GABRR1: variants seen among roughly 807,000 people sequenced by gnomAD.
GABRR1 encodes gamma-aminobutyric acid receptor subunit rho-1.
Under a neutral mutation model 55.5 loss-of-function variants are expected in GABRR1, and 59 were observed. The observed-to-expected ratio is 1.06, with a 90% CI of 0.86 to 1.32. The LOEUF (loss-of-function observed/expected upper bound fraction) is 1.32. Among genes scored for constraint, GABRR1 ranks in the 40% most tolerant of loss-of-function variants. The pLI, the probability that GABRR1 is intolerant of heterozygous loss-of-function variation, is 0.00. For missense variants in GABRR1, 602 were observed against 619.1 expected (o/e 0.97, Z 0.29); for synonymous variants, 213 against 226.0 (o/e 0.94, Z 0.51).
rs577448848 is a variant in GABRR1, at chr6:89,190,018, C to G, written c.655+147G>C. 21 of 448,126 alleles carry G rather than the reference C, an allele frequency of 4.7e-5. No individual in the cohort carries two copies. The South Asian group carries it at 1.0e-3, about 22-fold the overall frequency. 27.8% of individuals were successfully genotyped at this position (448,126 alleles called of 1,614,324 possible). On this transcript the variant is annotated intron_variant, in intron 6 of 9. Coordinates refer to ENST00000454853, the MANE Select transcript of GABRR1 (RefSeq NM_002042.5). ...CAGAGACTGCGCCACGGCATTCCAG[C>G]CCAGGCGACAGTGTGAGACTCCATC...
chr6:89,199,555 G>A, intron 3 of GABRR1, 126 bp from the exon 4 acceptor site: 1 of 766,350 alleles, frequency 1.3e-6, no homozygotes, highest in Non-Finnish European at 2.2e-6. Flanking sequence ...TTTGGTCATG[G>A]CAACCTGAAG....
chr6:89,198,699 T>C (rs1253584992), intron 4 of GABRR1, among the ~76,000 whole-genome samples: 3 of 152,102 alleles, frequency 2.0e-5, no homozygotes, highest in Non-Finnish European at 4.4e-5. Context: ...TGGCACTGAG[T>C]TCTGTGGTTC....
At chr6:89,229,283 G>A (rs1773245633) in intron 1 of GABRR1, among the ~76,000 whole-genome samples, 2 of 151,834 alleles carry the variant, frequency 1.3e-5, no homozygotes, top group South Asian at 4.2e-4. Flanking sequence ...ATATTGTTAT[G>A]TGTGAATTTG....
intron 6 of GABRR1, among the ~76,000 whole-genome samples, chr6:89,187,778 A>G (rs1304152948): frequency 6.6e-6 from 1 of 152,208 alleles, no homozygotes; most frequent in Non-Finnish European, 1.5e-5. Context: ...AGTTTCATTC[A>G]TGCTGTAGCA....
chr6:89,206,368 C>T (rs1163546742), intron 1 of GABRR1, among the ~76,000 whole-genome samples: 2 of 152,180 alleles, frequency 1.3e-5, no homozygotes, highest in African/African-American at 4.8e-5. Flanking sequence ...TTGCCGTTGT[C>T]AATTACATCT....
intron 8 of GABRR1, among the ~76,000 whole-genome samples, chr6:89,180,700 C>T (rs1053669024): frequency 2.6e-5 from 4 of 152,190 alleles, no homozygotes; most frequent in Admixed American, 2.6e-4. Flanking sequence ...TACCCTTTCG[C>T]CCCTCTGCAT....
At chr6:89,181,029 G>A (rs532054650) in intron 8 of GABRR1, among the ~76,000 whole-genome samples, 5 of 152,300 alleles carry the variant, frequency 3.3e-5, no homozygotes, top group East Asian at 3.9e-4. Context: ...GGACTTGAGG[G>A]TCAATTTCAC....
At chr6:89,200,933 C>G (rs796615350) in intron 3 of GABRR1, among the ~76,000 whole-genome samples, 7 of 150,170 alleles carry the variant, frequency 4.7e-5, no homozygotes, top group African/African-American at 1.7e-4. Flanking sequence ...CCTAGAGGGG[C>G]AGCAGCCACC....
intron 5 of GABRR1, 21 bp downstream of exon 5, chr6:89,197,999 A>T (rs1772353428): frequency 6.2e-7 from 1 of 1,601,218 alleles, no homozygotes. Flanking sequence ...GTTAATATGA[A>T]TGATCTGCCT....
intron 1 of GABRR1, among the ~76,000 whole-genome samples, chr6:89,225,249 G>C (rs1044108957): frequency 3.6e-5 from 5 of 138,314 alleles, no homozygotes; most frequent in African/African-American, 5.3e-5. Flanking sequence ...CCCACTTTAT[G>C]TTTCTGTTTG....
chr6:89,190,108 G>T, intron 6 of GABRR1, 57 bp downstream of exon 6: 2 of 1,187,048 alleles, frequency 1.7e-6, no homozygotes, highest in South Asian at 1.3e-5. Context: ...CTGAGAGTTA[G>T]AGGTGTTGAG....
At chr6:89,205,178 A>G (rs1772604444) in intron 1 of GABRR1, among the ~76,000 whole-genome samples, 1 of 152,178 alleles carries the variant, frequency 6.6e-6, no homozygotes, top group African/African-American at 2.4e-5. Context: ...TGAGATACAA[A>G]GACTTTAAAT....
intron 5 of GABRR1, among the ~76,000 whole-genome samples, chr6:89,197,465 C>A (rs440203): frequency 2.0e-5 from 3 of 152,150 alleles, no homozygotes; most frequent in African/African-American, 4.8e-5. Flanking sequence ...CCCAGGCCAG[C>A]GCTTCATGAG....
At chr6:89,210,215 G>A (rs1409878336) in intron 1 of GABRR1, among the ~76,000 whole-genome samples, 1 of 91,118 alleles carries the variant, frequency 1.1e-5, no homozygotes, top group African/African-American at 4.4e-5. Flanking sequence ...TTTTTTTGGA[G>A]ATAGTTCTTA....
At chr6:89,210,988 G>GA (rs1481940712) in intron 1 of GABRR1, among the ~76,000 whole-genome samples, 2 of 151,542 alleles carry the variant, frequency 1.3e-5, no homozygotes, top group African/African-American at 4.8e-5. Flanking sequence ...ATTGGAGGAA[G>GA]AAAAAAAATG....
intron 8 of GABRR1, 40 bp from the exon 9 acceptor site, chr6:89,180,528 T>C (rs770390345): frequency 6.2e-7 from 1 of 1,602,288 alleles, no homozygotes; most frequent in Admixed American, 1.7e-5. Context: ...TTGCTTGTCT[T>C]TCACCAAACA....
chr6:89,200,312 G>C (rs1772426854), intron 3 of GABRR1, among the ~76,000 whole-genome samples: 1 of 130,956 alleles, frequency 7.6e-6, no homozygotes, highest in Non-Finnish European at 1.5e-5. Flanking sequence ...ACAGTGGTGT[G>C]ATCTCAGTTC....
intron 1 of GABRR1, among the ~76,000 whole-genome samples, chr6:89,210,863 G>C (rs1167726761): frequency 6.6e-6 from 1 of 152,162 alleles, no homozygotes; most frequent in Non-Finnish European, 1.5e-5. Context: ...TTGGAGAGAA[G>C]GGTGGTGGAG....
intron 6 of GABRR1, 104 bp downstream of exon 6, chr6:89,190,061 T>C: frequency 1.5e-6 from 1 of 669,228 alleles, no homozygotes; most frequent in South Asian, 2.9e-5. Flanking sequence ...AAAAAAAAAG[T>C]CTACTCATGA....
Sources: gnomAD v4.1 joint callset for allele counts (sites outside exome capture counted in the v4.1 genomes callset) on GRCh38, gnomAD v4.1.1 for gene constraint, MANE v1.5 for transcripts, NCBI Gene and HGNC (gene_info 2026-07-23, HGNC 2026-07-21) for gene names.